Variants in CSMD3 observed in about 807,000 individuals in gnomAD.
CSMD3 encodes the protein CUB and sushi domain-containing protein 3.
Under a neutral mutation model 435.2 loss-of-function variants are expected in CSMD3, and 177 were observed. The ratio of observed to expected loss-of-function variants is 0.41; its 90% CI spans 0.36 to 0.46. CSMD3 has a LOEUF of 0.46. Among genes scored for constraint, CSMD3 ranks in the 20% least tolerant of loss-of-function variants. The pLI, the probability that CSMD3 is intolerant of heterozygous loss-of-function variation, is 0.34. For missense variants in CSMD3, 4,265 were observed against 4,504.6 expected, an observed-to-expected ratio of 0.95 and a Z score of 1.52; for synonymous variants, 1,656 against 1,520.5, an observed-to-expected ratio of 1.09 and a Z score of -2.07.
intron 44 of CSMD3, 77 bp from the exon 45 acceptor site, chr8:112,335,551 G>T: frequency 8.1e-7 from 1 of 1,232,540 alleles, no homozygotes; most frequent in Non-Finnish European, 1.2e-6. Context: ...TTTAATAAAA[G>T]TATTGCATAT....
intron 23 of CSMD3, 54 bp downstream of exon 23, chr8:112,587,012 G>A (rs2131352134): frequency 2.5e-6 from 3 of 1,205,960 alleles, no homozygotes; most frequent in South Asian, 2.5e-5. Flanking sequence ...ATCTATTGAT[G>A]TATATTTAAT....
chr8:113,114,231 T>C (rs1233184978), intron 4 of CSMD3, among the ~76,000 whole-genome samples: 4 of 152,146 alleles, frequency 2.6e-5, no homozygotes, highest in Non-Finnish European at 5.9e-5. Flanking sequence ...ATTATGTGTC[T>C]ATTAGGAAGC....
chr8:112,912,182 A>T (rs1216584038), intron 10 of CSMD3, among the ~76,000 whole-genome samples: 1 of 151,288 alleles, frequency 6.6e-6, no homozygotes, highest in African/African-American at 2.4e-5. Context: ...TAGGTTGATT[A>T]CATATCTTGG....
At chr8:113,185,392 G>A (rs946143989) in intron 3 of CSMD3, among the ~76,000 whole-genome samples, 1 of 151,966 alleles carries the variant, frequency 6.6e-6, no homozygotes, top group African/African-American at 2.4e-5. Context: ...CTCCTCCTTT[G>A]GCAATAATCA....
chr8:113,084,559 T>G (rs1483901286), intron 5 of CSMD3, among the ~76,000 whole-genome samples: 1 of 143,748 alleles, frequency 7.0e-6, no homozygotes, highest in Non-Finnish European at 1.5e-5. Flanking sequence ...GGAATCTCTA[T>G]CAAAATACCA....
chr8:113,038,778 C>A (rs974266288), intron 5 of CSMD3, among the ~76,000 whole-genome samples: 1 of 152,140 alleles, frequency 6.6e-6, no homozygotes, highest in African/African-American at 2.4e-5. Flanking sequence ...CCCTCCCTCC[C>A]AACATGCATT....
intron 3 of CSMD3, among the ~76,000 whole-genome samples, chr8:113,260,313 A>G (rs2093416611): frequency 6.6e-6 from 1 of 152,136 alleles, no homozygotes; most frequent in South Asian, 2.1e-4. Context: ...TCTCATCACC[A>G]TGTCTTTCTC....
intron 5 of CSMD3, among the ~76,000 whole-genome samples, chr8:113,054,177 C>G (rs888077986): frequency 9.9e-5 from 15 of 152,236 alleles, no homozygotes; most frequent in Middle Eastern, 6.8e-3. Context: ...ATTACTTTCT[C>G]AAAATTATTA....
At chr8:112,607,504 A>T (rs535745192) in intron 22 of CSMD3, among the ~76,000 whole-genome samples, 2 of 152,210 alleles carry the variant, frequency 1.3e-5, no homozygotes, top group African/African-American at 4.8e-5. Context: ...TTAACCTGAC[A>T]CCAAAGACAG....
At chr8:113,404,652 T>C (rs2094524690) in intron 1 of CSMD3, among the ~76,000 whole-genome samples, 1 of 151,246 alleles carries the variant, frequency 6.6e-6, no homozygotes. Context: ...CATTTTTTTC[T>C]TCTACACACC....
intron 41 of CSMD3, 109 bp downstream of exon 41, chr8:112,345,988 A>G (rs573589710): frequency 1.7e-5 from 13 of 783,102 alleles, no homozygotes; most frequent in Non-Finnish European, 2.3e-5. Context: ...TTCCTAAACT[A>G]AACTGCAATT....
At chr8:112,818,766 AC>A (rs771112252) in intron 12 of CSMD3, among the ~76,000 whole-genome samples, 6 of 151,728 alleles carry the variant, frequency 4.0e-5, no homozygotes, top group Non-Finnish European at 7.4e-5. Flanking sequence ...TCCCTTCTCC[AC>A]CTCCCCTTTG....
chr8:112,649,169 G>C (rs1040391310), intron 19 of CSMD3, among the ~76,000 whole-genome samples: 1 of 152,146 alleles, frequency 6.6e-6, no homozygotes, highest in Non-Finnish European at 1.5e-5. Flanking sequence ...AAAAAGTTTT[G>C]AATTTATGCT....
At chr8:112,773,748 G>A (rs936784630) in intron 13 of CSMD3, among the ~76,000 whole-genome samples, 14 of 151,938 alleles carry the variant, frequency 9.2e-5, no homozygotes, top group South Asian at 4.1e-4. Flanking sequence ...CAAATTAACC[G>A]ATAGTGAGAA....
At chr8:112,400,191 T>C (rs1336656958) in intron 35 of CSMD3, among the ~76,000 whole-genome samples, 1 of 152,146 alleles carries the variant, frequency 6.6e-6, no homozygotes, top group African/African-American at 2.4e-5. Context: ...GGCTGGGAAA[T>C]CAAAGTTTTC....
At position 113,330,768 on chromosome 8, in the gene CSMD3, C is replaced by T. The variant is rs188614720; in HGVS notation, c.179-15975G>A. On this transcript the variant is annotated intron_variant, in intron 1 of 70. Coordinates refer to ENST00000297405, the MANE Select transcript of CSMD3 (RefSeq NM_198123.2). ...TGAAAATATTTGTACCTAACAGATT[C>T]TCAAAATACATGGAAAAAATGGCAG... 4.5e-4 allele frequency among the ~76,000 whole-genome samples: 68 copies of T among 151,832 alleles called. 1 individual carries two copies. The East Asian group carries it at 0.012, about 27-fold the overall frequency.
intron 14 of CSMD3, 55 bp from the exon 15 acceptor site, chr8:112,685,787 T>C: frequency 9.2e-7 from 1 of 1,090,346 alleles, no homozygotes; most frequent in Non-Finnish European, 1.4e-6. Flanking sequence ...TAATATTTCA[T>C]CTTATTTTGT....
chr8:113,108,245 T>C (rs1373217867), intron 4 of CSMD3, among the ~76,000 whole-genome samples: 1 of 151,990 alleles, frequency 6.6e-6, no homozygotes, highest in Non-Finnish European at 1.5e-5. Context: ...CTGGACAACA[T>C]GGTGAAACCC....
At position 112,306,032 on chromosome 8, in the gene CSMD3, A is replaced by C; in HGVS notation, c.8046T>G (p.Asn2682Lys). The change falls in exon 51 of 71, where the codon AAT becomes AAG. Residue 2682 changes from asparagine (N) to lysine (K), a missense_variant. Physicochemically the swap from Asn to Lys is moderately conservative, Grantham distance 94 (BLOSUM62 0). Transcript: ENST00000297405. ...AVCQSDGTWS[N>K]HNKTPRCVVV... Reference sequence around the variant, plus strand: ...CAACACAGCGAGGGGTCTTGTTATGATTGCTCCATGTTCCATCTGATTGGC... The same window carrying C: ...CAACACAGCGAGGGGTCTTGTTATGCTTGCTCCATGTTCCATCTGATTGGC... 1.9e-6 allele frequency: 3 copies of C among 1,613,852 alleles called. No individual in the cohort carries two copies. Among genetic ancestry groups the C allele is most frequent in the Non-Finnish European group, 2.5e-6 (3 of 1,179,824 alleles).
Sources: allele counts gnomAD v4.1 joint callset (sites outside exome capture counted in the v4.1 genomes callset), GRCh38; gene constraint gnomAD v4.1.1; transcripts MANE v1.5; gene names NCBI Gene and HGNC (gene_info 2026-07-23, HGNC 2026-07-21).